The following FNIP2 variants were observed in gnomAD, a reference collection of about 807,000 sequenced individuals.
FNIP2 encodes folliculin-interacting protein 2.
Under a neutral mutation model 108.7 loss-of-function variants are expected in FNIP2, and 32 were observed. The ratio of observed to expected loss-of-function variants is 0.29; its 90% CI spans 0.22 to 0.40. FNIP2 has a LOEUF of 0.40. Among genes scored for constraint, FNIP2 ranks in the 10% least tolerant of loss-of-function variants. The probability of loss-of-function intolerance (pLI) is 1.00; values close to 1 mark genes in which losing one functional copy is unlikely to be tolerated. For missense variants in FNIP2, 1,202 were observed against 1,381.6 expected (o/e 0.87, Z 2.06); for synonymous variants, 480 against 496.7 (o/e 0.97, Z 0.45).
chr4:158,841,691 G>C (rs752871466), intron 7 of FNIP2, among the ~76,000 whole-genome samples: 2 of 152,176 alleles, frequency 1.3e-5, no homozygotes, highest in Non-Finnish European at 2.9e-5. Context: ...TAACTTCCCC[G>C]GGAGGCTGTC....
chr4:158,817,259 C>T (rs998012278), intron 1 of FNIP2, among the ~76,000 whole-genome samples: 43 of 152,206 alleles, frequency 2.8e-4, no homozygotes, highest in African/African-American at 1.0e-3. Flanking sequence ...AGAACTTGTA[C>T]TTTTCTCCTT....
At chr4:158,830,373 CT>C (rs1778410014) in intron 3 of FNIP2, among the ~76,000 whole-genome samples, 1 of 149,114 alleles carries the variant, frequency 6.7e-6, no homozygotes, top group Admixed American at 6.8e-5. Flanking sequence ...CGCCATTCTC[CT>C]GCCTCAGCCT....
intron 1 of FNIP2, among the ~76,000 whole-genome samples, chr4:158,816,707 C>T (rs1161836896): frequency 1.3e-5 from 2 of 151,464 alleles, no homozygotes; most frequent in East Asian, 1.9e-4. Flanking sequence ...ATCGCATGAA[C>T]CCAGGAGGTG....
chr4:158,904,728 CATA>C lies in FNIP2; in HGVS notation c.*188_*190del, dbSNP rs1355421525. ...TCATTGAAGACTTAGGTTTACTTGA[CATA>C]ATAGCATTTGTGATTGTCGTGAACA... is the stretch of plus-strand genomic sequence containing the variant. On this transcript the variant is annotated 3_prime_UTR_variant, in exon 17 of 17. Coordinates refer to ENST00000264433, the MANE Select transcript of FNIP2 (RefSeq NM_020840.3). The C allele has an allele frequency of 6.9e-6, 4 of 581,938 alleles. No homozygotes were observed. Among genetic ancestry groups the C allele is most frequent in the East Asian group, 5.8e-5 (2 of 34,744 alleles). The allele number at this position is 581,938 out of a possible 1,614,324, so 36.0% of individuals were successfully genotyped here. A position where few individuals can be genotyped will look rare whatever the true frequency, so the allele number is the denominator to read the frequency against.
At chr4:158,847,424 A>ATC (rs1779466015) in intron 7 of FNIP2, among the ~76,000 whole-genome samples, 1 of 152,158 alleles carries the variant, frequency 6.6e-6, no homozygotes. Context: ...AGGATAGAGC[A>ATC]CTGGGCAATG....
chr4:158,778,937 C>T (rs1001043035), intron 1 of FNIP2, among the ~76,000 whole-genome samples: 6 of 152,326 alleles, frequency 3.9e-5, no homozygotes, highest in Non-Finnish European at 5.9e-5. Flanking sequence ...TCTGCCAAAC[C>T]GCACTCCAGA....
chr4:158,775,509 A>G (rs1001701970), intron 1 of FNIP2, among the ~76,000 whole-genome samples: 3 of 151,846 alleles, frequency 2.0e-5, no homozygotes, highest in African/African-American at 7.3e-5. Context: ...TGTAAATGGA[A>G]CATCCATGAC....
At chr4:158,804,394 G>A (rs1204619452) in intron 1 of FNIP2, among the ~76,000 whole-genome samples, 1 of 148,988 alleles carries the variant, frequency 6.7e-6, no homozygotes, top group East Asian at 2.0e-4. Flanking sequence ...AGTTAGGATC[G>A]TAAGAGATGT....
intron 1 of FNIP2, among the ~76,000 whole-genome samples, chr4:158,823,420 T>C (rs1777993071): frequency 6.6e-6 from 1 of 152,164 alleles, no homozygotes; most frequent in Admixed American, 6.5e-5. Flanking sequence ...TGCCCACTAG[T>C]GCGCCTGGCT....
At chr4:158,798,502 G>A (rs749968991) in intron 1 of FNIP2, among the ~76,000 whole-genome samples, 1 of 152,106 alleles carries the variant, frequency 6.6e-6, no homozygotes, top group Non-Finnish European at 1.5e-5. Context: ...CTCACCATTT[G>A]TTTTGGCACA....
intron 16 of FNIP2, among the ~76,000 whole-genome samples, chr4:158,898,734 G>C (rs1476339131): frequency 1.3e-5 from 2 of 152,142 alleles, no homozygotes; most frequent in African/African-American, 4.8e-5. Context: ...GAGATTTTGG[G>C]CTGAAATGTT....
chr4:158,904,242 C>A (rs3756080), intron 16 of FNIP2, among the ~76,000 whole-genome samples: 8,229 of 152,256 alleles, frequency 0.054, 268 homozygotes, highest in African/African-American at 0.09. Flanking sequence ...CAACACACTT[C>A]CTGTATTTCT....
intron 1 of FNIP2, among the ~76,000 whole-genome samples, chr4:158,822,957 A>G (rs1036005030): frequency 1.6e-4 from 24 of 152,172 alleles, no homozygotes; most frequent in African/African-American, 5.3e-4. Context: ...TTTTATTTCC[A>G]TCCTTTTTTC....
At chr4:158,779,737 CT>C (rs34598926) in intron 1 of FNIP2, among the ~76,000 whole-genome samples, 297 of 133,342 alleles carry the variant, frequency 2.2e-3, no homozygotes, top group African/African-American at 6.1e-3. Flanking sequence ...CCATACCCAC[CT>C]TTTTTTTTTT....
At chr4:158,855,422 C>T (rs181675640) in intron 8 of FNIP2, among the ~76,000 whole-genome samples, 1 of 151,968 alleles carries the variant, frequency 6.6e-6, no homozygotes, top group Non-Finnish European at 1.5e-5. Context: ...GTGTGGCAGA[C>T]GTTTTGAATT....
At chr4:158,801,811 T>G (rs1776772704) in intron 1 of FNIP2, among the ~76,000 whole-genome samples, 1 of 152,200 alleles carries the variant, frequency 6.6e-6, no homozygotes, top group South Asian at 2.1e-4. Context: ...GTAGGTATGT[T>G]ATTGTTTGAT....
Position 158,893,845 on chromosome 4 carries a change from TG to T in FNIP2, c.3151-1904del, listed in dbSNP as rs1403770839. ...TATCTTGGTTATCAAAGCAATAAAT[TG>T]TTATAGTTAATTCTTTTTACTTCCT... On this transcript the variant is annotated intron_variant, in intron 15 of 16. Transcript: ENST00000264433. The T allele has an allele frequency of 8.2e-6, 5 of 610,332 alleles. No individual in the cohort carries two copies. In the East Asian group the frequency reaches 1.4e-4, roughly 17 times the overall value. The allele number at this position is 610,332 out of a possible 1,614,324, so 37.8% of individuals were successfully genotyped here.
Position 158,789,655 on chromosome 4 carries a change from G to A in FNIP2, c.107+20336G>A, listed in dbSNP as rs954465478. ...AATAAGATAACACCCTGCCCTTGAG[G>A]AGTTCGGTTCATGGAGGTTTGCTCC... is the stretch of plus-strand genomic sequence containing the variant. On this transcript the variant is annotated intron_variant, in intron 1 of 16. Coordinates refer to ENST00000264433, the MANE Select transcript of FNIP2 (RefSeq NM_020840.3). 4.6e-5 allele frequency among the ~76,000 whole-genome samples: 7 copies of A among 152,218 alleles called. No individual in the cohort carries two copies. In the South Asian group the frequency reaches 6.2e-4, roughly 14 times the overall value.
At chr4:158,834,329 T>TCTCTCTCTCC (rs1194083212) in intron 6 of FNIP2, 24 of 149,532 alleles carry the variant, frequency 1.6e-4, no homozygotes, top group African/African-American at 4.1e-4. Context: ...TCTCTCTCTC[T>TCTCTCTCTCC]CCCTCTCTAA....
Sources: gnomAD v4.1 joint callset for allele counts (sites outside exome capture counted in the v4.1 genomes callset) on GRCh38, gnomAD v4.1.1 for gene constraint, MANE v1.5 for transcripts, NCBI Gene and HGNC (gene_info 2026-07-23, HGNC 2026-07-21) for gene names.